Variants in UBAC1 observed in about 807,000 individuals in gnomAD.
UBAC1 encodes UBA domain containing 1.
In UBAC1, 27 loss-of-function variants were observed where a neutral mutation model predicts 45.9. The ratio of observed to expected loss-of-function variants is 0.59; its 90% CI spans 0.43 to 0.81. The LOEUF is 0.81. Among genes scored for constraint, UBAC1 ranks in the 30% least tolerant of loss-of-function variants. The pLI is 0.00. For synonymous variants in UBAC1, 227 were observed against 215.5 expected (o/e 1.05, Z -0.47); for missense variants, 529 against 539.2 (o/e 0.98, Z 0.19).
intron 5 of UBAC1, 58 bp downstream of exon 5, chr9:135,946,211 C>T: frequency 1.6e-6 from 2 of 1,270,144 alleles, no homozygotes; most frequent in South Asian, 2.4e-5. Flanking sequence ...GAGCTGCAGA[C>T]GCTCCCCAAG....
intron 3 of UBAC1, among the ~76,000 whole-genome samples, chr9:135,952,011 G>A (rs1309935876): frequency 1.3e-5 from 2 of 152,236 alleles, no homozygotes; most frequent in South Asian, 2.1e-4. Context: ...GGGCCTGTAA[G>A]TCTGAACACC....
At chr9:135,942,246 C>T (rs895864497) in intron 7 of UBAC1, 9 of 152,226 alleles carry the variant, frequency 5.9e-5, no homozygotes, top group Admixed American at 2.0e-4. Flanking sequence ...AGAGTGACTG[C>T]TCCACTTGGA....
intron 4 of UBAC1, among the ~76,000 whole-genome samples, chr9:135,946,627 C>A (rs1390469466): frequency 6.6e-6 from 1 of 152,246 alleles, no homozygotes; most frequent in Non-Finnish European, 1.5e-5. Context: ...GATACTCAGC[C>A]TGTGCCCTGT....
At chr9:135,948,870 G>A (rs970905196) in intron 3 of UBAC1, among the ~76,000 whole-genome samples, 1 of 152,138 alleles carries the variant, frequency 6.6e-6, no homozygotes, top group African/African-American at 2.4e-5. Context: ...AGGAGTTCGA[G>A]ACCAGCATGG....
intron 1 of UBAC1, among the ~76,000 whole-genome samples, chr9:135,959,339 C>T (rs1839504777): frequency 6.6e-6 from 1 of 150,742 alleles, no homozygotes; most frequent in South Asian, 2.1e-4. Flanking sequence ...GACACAGCAG[C>T]ACCTCAGAGA....
chr9:135,948,032 C>A (rs1211691894), intron 3 of UBAC1, 127 bp from the exon 4 acceptor site: 7 of 832,548 alleles, frequency 8.4e-6, no homozygotes, highest in Non-Finnish European at 1.3e-5. Context: ...GGTGTAAACT[C>A]CTTGATGAGC....
chr9:135,946,360 T>C lies in UBAC1; in HGVS notation c.453A>G (p.Glu151=). Residue 151 remains glutamate, a synonymous_variant, in exon 5 of 10, where the codon GAA becomes GAG. Transcript: ENST00000371756. ...VQTNMRDFQT[E]LRKILVSLIE... is the part of the protein sequence containing the mutation. The stretch of plus-strand genomic sequence containing the variant: ...TGAGAGACACCAGTATCTTCCGGAG[T>C]TCTGTCTGGAACTGTGGTGAAAAAA... The C allele has an allele frequency of 6.8e-6, 11 of 1,611,824 alleles. No homozygotes were observed. Among genetic ancestry groups the C allele is most frequent in the East Asian group, 2.2e-5 (1 of 44,874 alleles).
intron 1 of UBAC1, among the ~76,000 whole-genome samples, chr9:135,955,986 C>T (rs1839461430): frequency 6.6e-6 from 1 of 152,192 alleles, no homozygotes; most frequent in South Asian, 2.1e-4. Context: ...TGACTGCTCT[C>T]GGCGTGGCCC....
At chr9:135,950,846 C>A (rs1839398726) in intron 3 of UBAC1, among the ~76,000 whole-genome samples, 3 of 152,202 alleles carry the variant, frequency 2.0e-5, no homozygotes, top group Admixed American at 2.0e-4. Context: ...GTAATCCCAA[C>A]ACTTGGGAGA....
rs761056870 is a variant in UBAC1 at position 135,961,106 on chromosome 9, G to C, written c.57C>G (p.Cys19Trp). 1 of 1,590,602 alleles carries C rather than the reference G, an allele frequency of 6.3e-7. No individual in the cohort carries two copies. Residue 19 changes from cysteine to tryptophan, a missense_variant, in exon 1 of 10, where the codon TGC (cysteine) becomes TGG (tryptophan). Transcript: ENST00000371756. ...FAGKVLRLHI[C>W]ASDGAEWLEE... The stretch of plus-strand genomic sequence containing the variant: ...CCAGCCACTCGGCGCCGTCGGACGC[G>C]CAGATGTGCAGCCGCAGCACCTTGC...
intron 7 of UBAC1, 89 bp downstream of exon 7, chr9:135,944,939 C>CA: frequency 7.5e-7 from 1 of 1,339,502 alleles, no homozygotes. Flanking sequence ...AGCCCAAGGT[C>CA]AGCCATGCAG....
chr9:135,934,520 C>T (rs774753473), intron 9 of UBAC1, among the ~76,000 whole-genome samples: 6 of 152,176 alleles, frequency 3.9e-5, no homozygotes, highest in Non-Finnish European at 7.4e-5. Context: ...ATTAGCTGGG[C>T]GTGGTGGCAG....
intron 4 of UBAC1, chr9:135,947,442 G>C: frequency 5.3e-6 from 1 of 189,804 alleles, no homozygotes; most frequent in Non-Finnish European, 1.1e-5. Flanking sequence ...TAGTAGAGAC[G>C]GAGTTTCATC....
rs1420776952 is a variant in UBAC1, at chr9:135,946,003, G to T, written c.545-6C>A. On this transcript the variant is annotated splice_polypyrimidine_tract_variant and splice_region_variant and intron_variant, in intron 5 of 9. Transcript: ENST00000371756. ...CTCGTCCTCGTCCAGCATTGCTGCA[G>T]GGAGACGACAGGGCCATGAGGGCTC... 6.2e-7 allele frequency: 1 copy of T among 1,612,816 alleles called. No homozygotes were observed. Among genetic ancestry groups the T allele is most frequent in the Admixed American group, 1.7e-5 (1 of 60,024 alleles).
intron 9 of UBAC1, among the ~76,000 whole-genome samples, chr9:135,934,384 G>C (rs1944735093): frequency 6.6e-6 from 1 of 152,228 alleles, no homozygotes; most frequent in Admixed American, 6.5e-5. Context: ...GAAAAAGCCA[G>C]GCACGGTGGC....
intron 7 of UBAC1, among the ~76,000 whole-genome samples, chr9:135,940,446 G>A (rs2131083089): frequency 6.6e-6 from 1 of 152,058 alleles, no homozygotes; most frequent in South Asian, 2.1e-4. Context: ...TGGGCGTGGT[G>A]GCAGGCGCCT....
At position 135,955,388 on chromosome 9, in the gene UBAC1, T is replaced by G. The variant is rs746730543; in HGVS notation, c.166A>C (p.Lys56Gln). 6.2e-7 allele frequency: 1 copy of G among 1,600,166 alleles called. No individual in the cohort carries two copies. Among genetic ancestry groups the G allele is most frequent in the Non-Finnish European group, 8.5e-7 (1 of 1,176,036 alleles). The change falls in exon 2 of 10, where the codon AAA becomes CAA. Residue 56 changes from lysine (K) to glutamine (Q), a missense_variant. Transcript: ENST00000371756. Reference sequence around the variant, plus strand: ...ATTAATTTATGATGGGTTATACTTTTGGGATCTTCTAAGCTCCCATGAGCA... The same window carrying G: ...ATTAATTTATGATGGGTTATACTTTGGGGATCTTCTAAGCTCCCATGAGCA... Reference protein sequence around the residue: ...HCAHGSLEDPKSITHHKLIHA... With the variant: ...HCAHGSLEDPQSITHHKLIHA...
chr9:135,940,967 CA>C (rs1167318328), intron 7 of UBAC1, among the ~76,000 whole-genome samples: 1 of 152,202 alleles, frequency 6.6e-6, no homozygotes, highest in African/African-American at 2.4e-5. Context: ...CTTCATGCAG[CA>C]CTGCACCCCG....
chr9:135,961,328 G>A lies in UBAC1; in HGVS notation c.-166C>T. ...GCCGCCGTCACTCTCCGCGGCCTCA[G>A]CGGTCGCCTCGCTCCCGCCGCCGCA... On this transcript the variant is annotated 5_prime_UTR_variant, in exon 1 of 10. Coordinates refer to ENST00000371756, the MANE Select transcript of UBAC1 (RefSeq NM_016172.3). 1 of 430,028 alleles carries A rather than the reference G, an allele frequency of 2.3e-6. No individual in the cohort carries two copies. 26.6% of individuals were successfully genotyped at this position (430,028 alleles called of 1,614,324 possible). A position where few individuals can be genotyped will look rare whatever the true frequency, so the allele number is the denominator to read the frequency against.
Sources: allele counts gnomAD v4.1 joint callset (sites outside exome capture counted in the v4.1 genomes callset), GRCh38; gene constraint gnomAD v4.1.1; transcripts MANE v1.5; gene names NCBI Gene and HGNC (gene_info 2026-07-23, HGNC 2026-07-21).